The following DLGAP2 variants were observed in gnomAD, a reference collection of about 807,000 sequenced individuals.
DLGAP2 encodes the protein DLG associated protein 2, also known as disks large-associated protein 2.
A neutral mutation model predicts 100.3 loss-of-function variants in DLGAP2; 26 were observed. That is an observed-to-expected ratio of 0.26 (90% CI 0.19 to 0.36). The LOEUF (loss-of-function observed/expected upper bound fraction) is 0.36, where lower values mean the gene tolerates loss of function less well. DLGAP2 is among the 10% of genes least tolerant of loss of function. The pLI is 1.00. For missense variants in DLGAP2, 1,858 were observed against 1,453.2 expected (o/e 1.28, Z -4.53); for synonymous variants, 886 against 630.1 (o/e 1.41, Z -6.08).
intron 2 of DLGAP2, among the ~76,000 whole-genome samples, chr8:1,160,090 A>G (rs193018340): frequency 6.6e-6 from 1 of 152,224 alleles, no homozygotes; most frequent in Non-Finnish European, 1.5e-5. Context: ...TCCATCTCCC[A>G]CAGCCCGGAA....
At chr8:1,521,512 A>T (rs547008758) in intron 4 of DLGAP2, among the ~76,000 whole-genome samples, 33 of 39,888 alleles carry the variant, frequency 8.3e-4, no homozygotes, top group Non-Finnish European at 1.6e-3. Flanking sequence ...GGCAGGTGAT[A>T]TGGGGCATCT....
chr8:1,361,475 C>T (rs981524750), intron 3 of DLGAP2, among the ~76,000 whole-genome samples: 1 of 152,138 alleles, frequency 6.6e-6, no homozygotes, highest in East Asian at 1.9e-4. Flanking sequence ...ATCTTCAGAA[C>T]TAAGGTAACA....
chr8:1,237,515 TTCTC>T (rs1798688975), intron 2 of DLGAP2, among the ~76,000 whole-genome samples: 1 of 93,080 alleles, frequency 1.1e-5, no homozygotes, highest in Non-Finnish European at 2.1e-5. Context: ...GTCTAGTTGT[TTCTC>T]ACACAGAGCA....
chr8:1,266,783 C>G (rs752200260), intron 3 of DLGAP2, among the ~76,000 whole-genome samples: 8 of 151,978 alleles, frequency 5.3e-5, no homozygotes, highest in Non-Finnish European at 1.0e-4. Flanking sequence ...GTTTTATGAA[C>G]AAAGAGAAAG....
chr8:807,890 G>T (rs541250386), intron 1 of DLGAP2, among the ~76,000 whole-genome samples: 75 of 152,350 alleles, frequency 4.9e-4, no homozygotes, highest in African/African-American at 1.8e-3. Flanking sequence ...ACAGCAGCCG[G>T]AGGAACATAA....
At chr8:1,001,562 G>T (rs1800956919) in intron 2 of DLGAP2, among the ~76,000 whole-genome samples, 1 of 152,178 alleles carries the variant, frequency 6.6e-6, no homozygotes, top group South Asian at 2.1e-4. Flanking sequence ...TCAAACGAAA[G>T]TTACGGAGAA....
At chr8:1,323,574 G>C (rs141357142) in intron 3 of DLGAP2, among the ~76,000 whole-genome samples, 1 of 152,198 alleles carries the variant, frequency 6.6e-6, no homozygotes, top group Non-Finnish European at 1.5e-5. Context: ...GGATTCGAAC[G>C]TGGGGCAGGC....
Position 1,512,496 on chromosome 8 carries a change from G to T in DLGAP2, c.172+11065G>T, listed in dbSNP as rs11774465. Among the ~76,000 whole-genome samples the T allele has an allele frequency of 1.6e-3, 236 of 151,902 alleles. 2 individuals are homozygous for T. Among genetic ancestry groups the T allele is most frequent in the African/African-American group, 4.3e-3 (180 of 41,444 alleles). On this transcript the variant is annotated intron_variant, in intron 4 of 14. Coordinates refer to ENST00000637795, the MANE Select transcript of DLGAP2 (RefSeq NM_001346810.2). ...GCATTCCTGCTCTGGAGTCTAGCATGGGAAAATCACAGCCCAGAAGACCCT... is the reference window on the plus strand; with the variant it reads ...GCATTCCTGCTCTGGAGTCTAGCATTGGAAAATCACAGCCCAGAAGACCCT...
chr8:1,086,590 G>T (rs1234786951), intron 2 of DLGAP2, among the ~76,000 whole-genome samples: 1 of 152,148 alleles, frequency 6.6e-6, no homozygotes, highest in African/African-American at 2.4e-5. Context: ...GCAAATGGAA[G>T]TCAAAAGAGA....
intron 6 of DLGAP2, among the ~76,000 whole-genome samples, chr8:1,578,313 G>A (rs1363572201): frequency 6.6e-6 from 1 of 152,178 alleles, no homozygotes; most frequent in Non-Finnish European, 1.5e-5. Flanking sequence ...AGATCGACTT[G>A]CTAATTGTAT....
intron 6 of DLGAP2, among the ~76,000 whole-genome samples, chr8:1,571,933 G>T (rs1294678020): frequency 1.4e-4 from 17 of 119,868 alleles, no homozygotes; most frequent in South Asian, 6.2e-4. Flanking sequence ...GGGGGCGTCT[G>T]CTGGGATGGA....
intron 2 of DLGAP2, among the ~76,000 whole-genome samples, chr8:1,160,813 A>C (rs913941815): frequency 6.6e-6 from 1 of 152,150 alleles, no homozygotes; most frequent in African/African-American, 2.4e-5. Flanking sequence ...TTTTTTCACC[A>C]CCTCGAAGAC....
At chr8:989,457 C>G (rs1412794195) in intron 2 of DLGAP2, among the ~76,000 whole-genome samples, 3 of 152,214 alleles carry the variant, frequency 2.0e-5, no homozygotes, top group Admixed American at 6.5e-5. Flanking sequence ...GGCGGCTTCA[C>G]TTCCTCTGTC....
At chr8:1,018,011 C>T (rs1375674803) in intron 2 of DLGAP2, among the ~76,000 whole-genome samples, 2 of 152,184 alleles carry the variant, frequency 1.3e-5, no homozygotes, top group African/African-American at 4.8e-5. Flanking sequence ...CCACCCCATC[C>T]CTTTGTGGAA....
rs867321218 is a variant in DLGAP2 at position 807,868 on chromosome 8, G to A, written c.18+70043G>A. 6.6e-4 allele frequency among the ~76,000 whole-genome samples: 101 copies of A among 152,320 alleles called. 1 individual carries two copies. The highest frequency in any genetic ancestry group is 1.2e-3 in the Admixed American group (18 of 15,310). On this transcript the variant is annotated intron_variant, in intron 1 of 14. Coordinates refer to ENST00000637795, the MANE Select transcript of DLGAP2 (RefSeq NM_001346810.2). ...ACAGGAATAAGGAAGGGAGGATGGG[G>A]AGGAGTAAATCACAGCAGCCGGAGG...
intron 2 of DLGAP2, among the ~76,000 whole-genome samples, chr8:1,078,753 G>T (rs965458622): frequency 2.0e-5 from 3 of 151,856 alleles, no homozygotes; most frequent in East Asian, 3.9e-4. Flanking sequence ...TTTCTTTTTA[G>T]CCCTGAATAA....
chr8:1,055,438 C>CTTGT (rs1802851067), intron 2 of DLGAP2, among the ~76,000 whole-genome samples: 1 of 152,134 alleles, frequency 6.6e-6, no homozygotes, highest in African/African-American at 2.4e-5. Context: ...GGTTCCTTAC[C>CTTGT]TATGAATGTG....
At chr8:1,514,764 G>A (rs1764697613) in intron 4 of DLGAP2, among the ~76,000 whole-genome samples, 1 of 152,248 alleles carries the variant, frequency 6.6e-6, no homozygotes, top group Non-Finnish European at 1.5e-5. Context: ...CAAGCTCCTA[G>A]TCCATGTAGC....
At chr8:872,956 C>T (rs1184008309) in intron 1 of DLGAP2, among the ~76,000 whole-genome samples, 2 of 152,170 alleles carry the variant, frequency 1.3e-5, no homozygotes, top group African/African-American at 4.8e-5. Context: ...TGCCTATAAC[C>T]TACACACATC....
Sources: gnomAD v4.1 joint callset for allele counts (sites outside exome capture counted in the v4.1 genomes callset) on GRCh38, gnomAD v4.1.1 for gene constraint, MANE v1.5 for transcripts, NCBI Gene and HGNC (gene_info 2026-07-23, HGNC 2026-07-21) for gene names.